Variants in GUCY1A1 observed in about 807,000 individuals in gnomAD.
GUCY1A1 encodes the protein guanylate cyclase 1 soluble subunit alpha 1.
In GUCY1A1, 48 loss-of-function variants were observed where a neutral mutation model predicts 64.5. That is an observed-to-expected ratio of 0.74 (90% CI 0.59 to 0.95). The LOEUF (loss-of-function observed/expected upper bound fraction) is 0.95. GUCY1A1 is among the 40% of genes least tolerant of loss of function. The pLI, the probability that GUCY1A1 is intolerant of heterozygous loss-of-function variation, is 0.00. For synonymous variants in GUCY1A1, 308 were observed against 303.4 expected (o/e 1.02, Z -0.16); for missense variants, 804 against 825.3 (o/e 0.97, Z 0.32).
chr4:155,695,989 TG>T (rs908332666), intron 2 of GUCY1A1, among the ~76,000 whole-genome samples: 2 of 152,076 alleles, frequency 1.3e-5, no homozygotes, highest in African/African-American at 4.8e-5. Flanking sequence ...ACAAAAGTAC[TG>T]GGGGAAATAT....
At chr4:155,700,396 C>T (rs72972414) in intron 3 of GUCY1A1, among the ~76,000 whole-genome samples, 4,528 of 152,056 alleles carry the variant, frequency 0.03, 233 homozygotes, top group African/African-American at 0.1. Flanking sequence ...TATTATTGGT[C>T]TAGAAAAACG....
intron 5 of GUCY1A1, among the ~76,000 whole-genome samples, chr4:155,710,093 G>A (rs1732356931): frequency 6.6e-6 from 1 of 152,154 alleles, no homozygotes; most frequent in South Asian, 2.1e-4. Context: ...AGACAAAACT[G>A]AGTTTCATGC....
At chr4:155,681,456 T>C (rs965235635) in intron 2 of GUCY1A1, among the ~76,000 whole-genome samples, 1 of 152,228 alleles carries the variant, frequency 6.6e-6, no homozygotes, top group African/African-American at 2.4e-5. Context: ...TACAGTGTAG[T>C]ACTTTATCAC....
chr4:155,700,013 TC>T (rs1283627238), intron 3 of GUCY1A1, among the ~76,000 whole-genome samples: 1 of 152,194 alleles, frequency 6.6e-6, no homozygotes, highest in Non-Finnish European at 1.5e-5. Flanking sequence ...TAAATTTAGA[TC>T]TCTTGCTTAA....
At chr4:155,685,744 A>T (rs987245090) in intron 2 of GUCY1A1, among the ~76,000 whole-genome samples, 1 of 151,214 alleles carries the variant, frequency 6.6e-6, no homozygotes, top group Non-Finnish European at 1.5e-5. Flanking sequence ...TCATAGCTGT[A>T]TAAGTTTCTT....
intron 2 of GUCY1A1, among the ~76,000 whole-genome samples, chr4:155,687,551 G>A (rs1729159019): frequency 6.6e-6 from 1 of 152,114 alleles, no homozygotes; most frequent in Non-Finnish European, 1.5e-5. Context: ...AGTAGCATTT[G>A]TGATAGTCAA....
Position 155,696,745 on chromosome 4 carries a change from G to T in GUCY1A1, c.-112-11G>T, listed in dbSNP as rs1259938344. The T allele has an allele frequency of 3.0e-5, 24 of 809,996 alleles. No homozygotes were observed. The highest frequency in any genetic ancestry group is 2.0e-6 in the Non-Finnish European group (1 of 508,234). The allele number at this position is 809,996 out of a possible 1,614,324, so 50.2% of individuals were successfully genotyped here. A position where few individuals can be genotyped will look rare whatever the true frequency, so the allele number is the denominator to read the frequency against. Reference sequence around the variant, plus strand: ...ACTCCTCTTTCTGTTCTGACTTTTTGCTGTCCATAGACATCCCAGTTACCA... The same window carrying T: ...ACTCCTCTTTCTGTTCTGACTTTTTTCTGTCCATAGACATCCCAGTTACCA... On this transcript the variant is annotated splice_polypyrimidine_tract_variant and intron_variant, in intron 2 of 9. Coordinates refer to ENST00000506455, the MANE Select transcript of GUCY1A1 (RefSeq NM_001130682.3).
At chr4:155,706,010 A>G (rs1415217225) in intron 4 of GUCY1A1, among the ~76,000 whole-genome samples, 1 of 152,230 alleles carries the variant, frequency 6.6e-6, no homozygotes, top group Non-Finnish European at 1.5e-5. Context: ...CAGTTTACTC[A>G]AAATTTATTC....
chr4:155,702,685 A>G (rs1372565527), intron 3 of GUCY1A1, among the ~76,000 whole-genome samples: 1 of 151,526 alleles, frequency 6.6e-6, no homozygotes, highest in South Asian at 2.1e-4. Context: ...ATTCTCTTTA[A>G]TTTTTTTTCA....
chr4:155,700,435 A>G (rs774780968), intron 3 of GUCY1A1, among the ~76,000 whole-genome samples: 11 of 152,186 alleles, frequency 7.2e-5, no homozygotes, highest in Admixed American at 1.3e-4. Context: ...TTAAAAAGCC[A>G]ATGAAAATAG....
intron 4 of GUCY1A1, 22 bp from the exon 5 acceptor site, chr4:155,708,212 CTT>C: frequency 8.6e-7 from 1 of 1,156,116 alleles, no homozygotes; most frequent in Non-Finnish European, 1.3e-6. Context: ...AAGTTTATAA[CTT>C]AAAATATTGA....
At chr4:155,688,307 GTA>G (rs1163370328) in intron 2 of GUCY1A1, among the ~76,000 whole-genome samples, 6 of 151,274 alleles carry the variant, frequency 4.0e-5, no homozygotes, top group African/African-American at 4.8e-5. Flanking sequence ...AAGTATGTAT[GTA>G]TGTGTGTGTG....
chr4:155,674,510 T>C (rs527295695), intron 2 of GUCY1A1, among the ~76,000 whole-genome samples: 3 of 151,662 alleles, frequency 2.0e-5, no homozygotes, highest in South Asian at 4.1e-4. Context: ...TCTTCGTTCT[T>C]TATATGCTTA....
At chr4:155,722,321 A>G (rs545121802) in intron 9 of GUCY1A1, 129 bp downstream of exon 9, 26 of 1,446,978 alleles carry the variant, frequency 1.8e-5, no homozygotes, top group Non-Finnish European at 2.3e-5. Flanking sequence ...GAAACGTGAT[A>G]ACTTTTATCA....
In GUCY1A1 at chr4:155,682,728, GTA is replaced by G. The variant is rs796193415; in HGVS notation, c.-112-14023_-112-14022del. ...TGTGTGTGTGTGTGTGTGTGTGTGT[GTA>G]TATACCCCACTCATATCAGGCTTTG... On this transcript the variant is annotated intron_variant, in intron 2 of 9. Transcript: ENST00000506455. 6.6e-3 allele frequency among the ~76,000 whole-genome samples: 961 copies of G among 146,282 alleles called. 13 individuals are homozygous for G. Among genetic ancestry groups the G allele is most frequent in the African/African-American group, 0.023 (895 of 39,186 alleles).
intron 3 of GUCY1A1, among the ~76,000 whole-genome samples, chr4:155,699,056 C>T (rs956973609): frequency 6.6e-6 from 1 of 151,266 alleles, no homozygotes; most frequent in Admixed American, 6.6e-5. Flanking sequence ...TTCTTTAGGG[C>T]TGGTTACTGT....
chr4:155,724,313 AAAAAT>A (rs1193779922), intron 9 of GUCY1A1, among the ~76,000 whole-genome samples: 5 of 152,168 alleles, frequency 3.3e-5, no homozygotes, highest in Admixed American at 2.0e-4. Context: ...CTCTGAATTG[AAAAAT>A]AAAAAATTCC....
chr4:155,675,556 T>C (rs1326451503), intron 2 of GUCY1A1, among the ~76,000 whole-genome samples: 1 of 151,634 alleles, frequency 6.6e-6, no homozygotes, highest in African/African-American at 2.4e-5. Context: ...ATATTTGTAG[T>C]CACTAATTGT....
chr4:155,679,452 T>C (rs1735410772), intron 2 of GUCY1A1, among the ~76,000 whole-genome samples: 1 of 152,190 alleles, frequency 6.6e-6, no homozygotes, highest in Non-Finnish European at 1.5e-5. Context: ...CTTCCACTCA[T>C]GGCAGAAGGT....
Sources: allele counts gnomAD v4.1 joint callset (sites outside exome capture counted in the v4.1 genomes callset), GRCh38; gene constraint gnomAD v4.1.1; transcripts MANE v1.5; gene names NCBI Gene and HGNC (gene_info 2026-07-23, HGNC 2026-07-21).